SLCO1C1: variants seen among roughly 807,000 people sequenced by gnomAD.
The protein encoded by SLCO1C1 is OAT-RP-5.
A neutral mutation model predicts 76.4 loss-of-function variants in SLCO1C1; 70 were observed. The ratio of observed to expected loss-of-function variants is 0.92; its 90% CI spans 0.76 to 1.12. The LOEUF is 1.12. Ranked by LOEUF, SLCO1C1 falls within the 50% of genes most tolerant of loss-of-function variation. The pLI is 0.00. For missense variants in SLCO1C1, 912 were observed against 823.8 expected, an observed-to-expected ratio of 1.11 and a Z score of -1.31; for synonymous variants, 306 against 286.1, an observed-to-expected ratio of 1.07 and a Z score of -0.70.
intron 12 of SLCO1C1, 95 bp from the exon 13 acceptor site, chr12:20,743,210 C>A: frequency 8.4e-7 from 1 of 1,187,538 alleles, no homozygotes. Flanking sequence ...TGAATTCTAA[C>A]ATGATTTCAT....
intron 10 of SLCO1C1, among the ~76,000 whole-genome samples, chr12:20,736,488 A>G (rs1592309229): frequency 6.6e-6 from 1 of 152,144 alleles, no homozygotes; most frequent in South Asian, 2.1e-4. Context: ...AAAGGATGCT[A>G]TAAGATATGA....
At chr12:20,721,502 G>A (rs1947669389) in intron 7 of SLCO1C1, among the ~76,000 whole-genome samples, 1 of 151,994 alleles carries the variant, frequency 6.6e-6, no homozygotes, top group South Asian at 2.1e-4. Flanking sequence ...CAGACATAAT[G>A]CTGTTGCATA....
At position 20,752,496 on chromosome 12, in the gene SLCO1C1, A is replaced by G; in HGVS notation, c.2107A>G (p.Asn703Asp). 1 of 1,602,180 alleles carries G rather than the reference A, an allele frequency of 6.2e-7. No homozygotes were observed. Among genetic ancestry groups the G allele is most frequent in the African/African-American group, 1.3e-5 (1 of 74,812 alleles). Residue 703 changes from asparagine to aspartate, a missense_variant, in exon 15 of 15, where the codon AAC (asparagine) becomes GAC (aspartate). By Grantham distance (23) the Asn-to-Asp change is conservative. Coordinates refer to ENST00000266509, the MANE Select transcript of SLCO1C1 (RefSeq NM_017435.5). The part of the protein sequence containing the change: ...YTTSDHLLQP[N>D]YWPGKETQL ...TACAAGTGATCATCTGCTACAACCC[A>G]ACTACTGGCCAGGCAAGGAAACTCA...
intron 13 of SLCO1C1, among the ~76,000 whole-genome samples, chr12:20,746,664 T>C (rs1394352054): frequency 6.6e-6 from 1 of 152,140 alleles, no homozygotes; most frequent in Non-Finnish European, 1.5e-5. Context: ...AAATACACAG[T>C]ACATTTGCCT....
At position 20,750,787 on chromosome 12, in the gene SLCO1C1, C is replaced by T. The variant is rs1949265257; in HGVS notation, c.1911C>T (p.Val637=). The change falls in exon 14 of 15, where the codon GTC becomes GTT. Residue 637 remains valine, a synonymous_variant. Transcript: ENST00000266509. ...RGSCRLYDSN[V]FRHIYLGLTV... ...CATGCAGATTATATGATTCAAATGTCTTCAGGTACCAAATCAAAAGCATTC... is the reference window on the plus strand; with the variant it reads ...CATGCAGATTATATGATTCAAATGTTTTCAGGTACCAAATCAAAAGCATTC... 4 of 1,613,836 alleles carry T rather than the reference C, an allele frequency of 2.5e-6. No individual in the cohort carries two copies. The highest frequency in any genetic ancestry group is 2.5e-6 in the Non-Finnish European group (3 of 1,179,868).
chr12:20,721,740 G>T, intron 7 of SLCO1C1, 64 bp from the exon 8 acceptor site: 1 of 1,518,510 alleles, frequency 6.6e-7, no homozygotes, highest in Non-Finnish European at 8.8e-7. Context: ...TTATTTTTAA[G>T]TATATTATTT....
At chr12:20,699,772 T>G (rs1946431418) in intron 2 of SLCO1C1, 67 bp downstream of exon 2, 2 of 1,455,992 alleles carry the variant, frequency 1.4e-6, no homozygotes, top group Admixed American at 5.1e-5. Context: ...ATCTATATAA[T>G]GAAGTTAGAA....
At chr12:20,726,003 C>T (rs999490251) in intron 9 of SLCO1C1, among the ~76,000 whole-genome samples, 2 of 151,978 alleles carry the variant, frequency 1.3e-5, no homozygotes, top group Admixed American at 6.6e-5. Flanking sequence ...TAGGATTGTT[C>T]CTGAGATCAT....
chr12:20,709,647 C>T lies in SLCO1C1; in HGVS notation c.405-1739C>T, dbSNP rs1381221656. Among the ~76,000 whole-genome samples, 14 of 15,482 alleles carry T rather than the reference C, an allele frequency of 9.0e-4. 5 individuals carry two copies. The highest frequency in any genetic ancestry group is 1.8e-3 in the Non-Finnish European group (9 of 5,066). The allele number at this position is 15,482 out of a possible 152,430, so 10.2% of individuals were successfully genotyped here. On this transcript the variant is annotated intron_variant, in intron 4 of 14. Transcript: ENST00000266509. ...CTGTAATCCCAGCACTTTGGGAGGCCGAGGCGGGTGGATCATGAGGTCAGG... is the reference window on the plus strand; with the variant it reads ...CTGTAATCCCAGCACTTTGGGAGGCTGAGGCGGGTGGATCATGAGGTCAGG...
chr12:20,744,887 A>T (rs543081175), intron 13 of SLCO1C1, among the ~76,000 whole-genome samples: 3 of 152,330 alleles, frequency 2.0e-5, no homozygotes, highest in Non-Finnish European at 2.9e-5. Flanking sequence ...GTCCATCGGT[A>T]GGAGACTGGT....
intron 4 of SLCO1C1, among the ~76,000 whole-genome samples, chr12:20,708,724 G>A (rs1447682993): frequency 2.6e-5 from 4 of 152,128 alleles, no homozygotes; most frequent in Non-Finnish European, 4.4e-5. Context: ...CAATGACCAC[G>A]GAGAAAGCAC....
At chr12:20,707,050 AT>A (rs3838816) in intron 4 of SLCO1C1, among the ~76,000 whole-genome samples, 106,649 of 151,722 alleles carry the variant, frequency 0.7, 37,804 homozygotes, top group East Asian at 0.81. Flanking sequence ...GTACAGTCAG[AT>A]TTTTGACCTC....
At position 20,732,927 on chromosome 12, in the gene SLCO1C1, C is replaced by A. The variant is rs1395158649; in HGVS notation, c.1205C>A (p.Ala402Glu). 1 of 1,613,854 alleles carries A rather than the reference C, an allele frequency of 6.2e-7. No homozygotes were observed. The highest frequency in any genetic ancestry group is 1.1e-5 in the South Asian group (1 of 91,072). The change falls in exon 10 of 15, where the codon GCA becomes GAA. Residue 402 changes from alanine (A) to glutamate (E), a missense_variant. Coordinates refer to ENST00000266509, the MANE Select transcript of SLCO1C1 (RefSeq NM_017435.5). ...TTCTCAGGGCTCATCAACATTCCAG[C>A]AGTGGCCCTTGGAATATTCTCTGGG... Reference protein sequence around the residue: ...NFVIGLINIPAVALGIFSGGI... With the variant: ...NFVIGLINIPEVALGIFSGGI...
rs16923156 is a variant in SLCO1C1, at chr12:20,735,275, A to T, written c.1383-1832A>T. ...AAGAAATCTCTCTTCTGCAATAACA[A>T]GGACAACTCTGATGTGGACATAAGA... On this transcript the variant is annotated intron_variant, in intron 10 of 14. Transcript: ENST00000266509. Among the ~76,000 whole-genome samples the T allele has an allele frequency of 7.5e-3, 1,136 of 152,306 alleles. 31 individuals are homozygous for T. The highest frequency in any genetic ancestry group is 0.067 in the East Asian group (349 of 5,178).
At chr12:20,725,239 A>T (rs1456380156) in intron 9 of SLCO1C1, among the ~76,000 whole-genome samples, 3 of 139,790 alleles carry the variant, frequency 2.1e-5, no homozygotes, top group Non-Finnish European at 4.6e-5. Flanking sequence ...AAGAAAAAAT[A>T]CAAATAAAAA....
chr12:20,713,184 A>G (rs1467680501), intron 5 of SLCO1C1, among the ~76,000 whole-genome samples: 2 of 148,254 alleles, frequency 1.3e-5, no homozygotes, highest in African/African-American at 2.5e-5. Flanking sequence ...GGTTCACGCC[A>G]TTCTCCTGCC....
chr12:20,740,080 T>C (rs1273621721), intron 11 of SLCO1C1, 104 bp from the exon 12 acceptor site: 1 of 1,105,832 alleles, frequency 9.0e-7, no homozygotes, highest in East Asian at 2.5e-5. Context: ...TATTTCCTCA[T>C]TGTTTACATA....
chr12:20,708,084 CT>C (rs1946872957), intron 4 of SLCO1C1, among the ~76,000 whole-genome samples: 1 of 152,154 alleles, frequency 6.6e-6, no homozygotes, highest in Non-Finnish European at 1.5e-5. Flanking sequence ...ACTCTAGTTT[CT>C]TTCCACCTTT....
chr12:20,745,360 A>T (rs1179563328), intron 13 of SLCO1C1, among the ~76,000 whole-genome samples: 2 of 152,140 alleles, frequency 1.3e-5, no homozygotes, highest in Non-Finnish European at 2.9e-5. Flanking sequence ...TAAAAAATAA[A>T]ATTTTTTGCC....
Sources: allele counts gnomAD v4.1 joint callset (sites outside exome capture counted in the v4.1 genomes callset), GRCh38; gene constraint gnomAD v4.1.1; transcripts MANE v1.5; gene names NCBI Gene and HGNC (gene_info 2026-07-23, HGNC 2026-07-21).